GFM1: variants seen among roughly 807,000 people sequenced by gnomAD.
GFM1 encodes the protein G elongation factor mitochondrial 1.
A neutral mutation model predicts 96.2 loss-of-function variants in GFM1; 62 were observed. The observed-to-expected ratio is 0.64, with a 90% CI of 0.53 to 0.80. The LOEUF (loss-of-function observed/expected upper bound fraction) is 0.80, where lower values mean the gene tolerates loss of function less well. Ranked by LOEUF, GFM1 falls within the 30% of genes least tolerant of loss-of-function variation. The pLI, the probability that GFM1 is intolerant of heterozygous loss-of-function variation, is 0.00. For missense variants in GFM1, 852 were observed against 916.6 expected, an observed-to-expected ratio of 0.93 and a Z score of 0.91; for synonymous variants, 282 against 312.9, an observed-to-expected ratio of 0.90 and a Z score of 1.04.
chr3:158,686,635 T>C (rs1431539267), intron 15 of GFM1, among the ~76,000 whole-genome samples: 1 of 134,312 alleles, frequency 7.4e-6, no homozygotes, highest in Non-Finnish European at 1.6e-5. Flanking sequence ...TTTTTTATTA[T>C]TTAGGTATAG....
intron 13 of GFM1, among the ~76,000 whole-genome samples, chr3:158,675,987 A>C (rs1161022617): frequency 6.6e-6 from 1 of 152,224 alleles, no homozygotes; most frequent in African/African-American, 2.4e-5. Flanking sequence ...ATAAAAATTT[A>C]GCTAACCAGG....
At chr3:158,661,341 A>T (rs1162932628) in intron 10 of GFM1, among the ~76,000 whole-genome samples, 1 of 152,204 alleles carries the variant, frequency 6.6e-6, no homozygotes, top group African/African-American at 2.4e-5. Context: ...TACCACTAAC[A>T]TCAAGCTAGT....
chr3:158,656,647 C>T (rs1382904917), intron 8 of GFM1: 1 of 152,234 alleles, frequency 6.6e-6, no homozygotes, highest in Non-Finnish European at 1.5e-5. Context: ...GCACTATCTA[C>T]ATAAGTTATT....
intron 13 of GFM1, among the ~76,000 whole-genome samples, chr3:158,671,174 A>T (rs114051682): frequency 6.6e-6 from 1 of 152,192 alleles, no homozygotes; most frequent in Non-Finnish European, 1.5e-5. Flanking sequence ...CATGAATGTA[A>T]CATCTAATTT....
intron 5 of GFM1, chr3:158,649,502 T>G (rs1297289774): frequency 4.7e-5 from 11 of 233,938 alleles, no homozygotes; most frequent in Non-Finnish European, 8.5e-5. Context: ...TGTGGACTTT[T>G]ATAGAGCAGC....
chr3:158,687,341 T>C (rs1270221588), intron 15 of GFM1, among the ~76,000 whole-genome samples: 1 of 152,064 alleles, frequency 6.6e-6, no homozygotes, highest in East Asian at 1.9e-4. Flanking sequence ...AAATATACTA[T>C]GCACACAAGC....
At position 158,665,379 on chromosome 3, in the gene GFM1, AG is replaced by A; in HGVS notation, c.1424del (p.Arg475LysfsTer78). The A allele has an allele frequency of 1.2e-6, 2 of 1,610,834 alleles. No homozygotes were observed. Among genetic ancestry groups the A allele is most frequent in the Admixed American group, 3.3e-5 (2 of 59,986 alleles). ...TTCAAAAGGTATTGGCAGGTTTACAAGAGAAGATCCCACATTTAAAGTATAC... is the reference window on the plus strand; with the variant it reads ...TTCAAAAGGTATTGGCAGGTTTACAAAGAAGATCCCACATTTAAAGTATAC... The part of the protein sequence containing the change: ...KFSKGIGRFT[R>X]EDPTFKVYFD... On this transcript the variant is annotated frameshift_variant, in exon 12 of 18. Coordinates refer to ENST00000486715, the MANE Select transcript of GFM1 (RefSeq NM_024996.7). LOFTEE classifies it high-confidence loss of function.
At chr3:158,685,559 TTG>T (rs780764386) in intron 15 of GFM1, among the ~76,000 whole-genome samples, 1 of 152,176 alleles carries the variant, frequency 6.6e-6, no homozygotes, top group Non-Finnish European at 1.5e-5. Context: ...AATTTGAACT[TTG>T]TGGTGTTTTT....
chr3:158,671,123 G>A, intron 13 of GFM1: 1 of 1,299,446 alleles, frequency 7.7e-7, no homozygotes, highest in Non-Finnish European at 9.9e-7. Context: ...CTGGCTGAAG[G>A]GGAATGGTGA....
At chr3:158,659,745 C>A (rs1723043649) in intron 9 of GFM1, among the ~76,000 whole-genome samples, 1 of 152,136 alleles carries the variant, frequency 6.6e-6, no homozygotes, top group Admixed American at 6.5e-5. Flanking sequence ...TCTATATATT[C>A]CTGGAGAAAT....
At chr3:158,650,770 C>A (rs546692585) in intron 5 of GFM1, 2 of 152,310 alleles carry the variant, frequency 1.3e-5, no homozygotes, top group South Asian at 4.1e-4. Context: ...CGCCTGTAAT[C>A]CCAGCACTTT....
rs1455816920 is a variant in GFM1 at position 158,694,016 on chromosome 3, G to T, written c.*2549G>T. Among the ~76,000 whole-genome samples, 2 of 145,250 alleles carry T rather than the reference G, an allele frequency of 1.4e-5. No individual in the cohort carries two copies. Among genetic ancestry groups the T allele is most frequent in the Non-Finnish European group, 3.0e-5 (2 of 65,678 alleles). ...AGTTTGGTTTTTTTGTTTAACAACT[G>T]TTTTTTTTTTTAAGAGATGGGGTCT... On this transcript the variant is annotated 3_prime_UTR_variant, in exon 18 of 18. Transcript: ENST00000486715.
intron 11 of GFM1, among the ~76,000 whole-genome samples, chr3:158,664,964 A>G (rs141813897): frequency 7.9e-5 from 12 of 152,324 alleles, no homozygotes; most frequent in African/African-American, 2.6e-4. Context: ...CTTGGTAAAC[A>G]TGCTGATTCC....
At chr3:158,663,800 TC>T (rs1723387590) in intron 11 of GFM1, among the ~76,000 whole-genome samples, 2 of 152,216 alleles carry the variant, frequency 1.3e-5, no homozygotes, top group African/African-American at 4.8e-5. Flanking sequence ...TGCTTCAATA[TC>T]CAGAAGGTTT....
In GFM1 at chr3:158,652,000, T is replaced by A. The variant is rs56362855; in HGVS notation, c.690-96T>A. The A allele has an allele frequency of 0.2, 217,718 of 1,080,520 alleles. 22,802 individuals carry two copies. The highest frequency in any genetic ancestry group is 0.22 in the Non-Finnish European group (160,742 of 718,530). 66.9% of individuals were successfully genotyped at this position (1,080,520 alleles called of 1,614,324 possible). On this transcript the variant is annotated intron_variant, in intron 5 of 17. Coordinates refer to ENST00000486715, the MANE Select transcript of GFM1 (RefSeq NM_024996.7). ...AAATGTATCAGAGCTCTTTGTTACC[T>A]AAAAAAATATTTTAACCATTAATCA...
chr3:158,644,546 C>T lies in GFM1; in HGVS notation c.-89C>T, dbSNP rs1001559608. On this transcript the variant is annotated 5_prime_UTR_variant, in exon 1 of 18. Transcript: ENST00000486715. ...GGAAGTGCTCTTACAACATTGGCTG[C>T]CGGCGTGACTTTGACCGCTTCCCGG... The T allele has an allele frequency of 2.8e-5, 29 of 1,038,610 alleles. No homozygotes were observed. The African/African-American group carries it at 4.3e-4, about 16-fold the overall frequency. 64.3% of individuals were successfully genotyped at this position (1,038,610 alleles called of 1,614,324 possible). A position where few individuals can be genotyped will look rare whatever the true frequency, so the allele number is the denominator to read the frequency against.
chr3:158,657,573 T>C (rs1356139075), intron 8 of GFM1: 1 of 152,228 alleles, frequency 6.6e-6, no homozygotes, highest in East Asian at 1.9e-4. Flanking sequence ...TGTTTAGTCA[T>C]TCATTAATTT....
At chr3:158,676,996 G>A (rs972058257) in intron 13 of GFM1, among the ~76,000 whole-genome samples, 28 of 152,078 alleles carry the variant, frequency 1.8e-4, no homozygotes. Context: ...CGCCACGCCC[G>A]GCCTCACCTC....
At chr3:158,649,503 A>G (rs1722120372) in intron 5 of GFM1, 2 of 234,014 alleles carry the variant, frequency 8.5e-6, no homozygotes, top group South Asian at 6.1e-5. Context: ...GTGGACTTTT[A>G]TAGAGCAGCT....
Sources: allele counts gnomAD v4.1 joint callset (sites outside exome capture counted in the v4.1 genomes callset), GRCh38; gene constraint gnomAD v4.1.1; transcripts MANE v1.5; gene names NCBI Gene and HGNC (gene_info 2026-07-23, HGNC 2026-07-21).